The following SNX29 variants were observed in gnomAD, a reference collection of about 807,000 sequenced individuals.
The protein encoded by SNX29 is sorting nexin 29.
A neutral mutation model predicts 102.1 loss-of-function variants in SNX29; 78 were observed. That is an observed-to-expected ratio of 0.76 (90% CI 0.64 to 0.92). SNX29 has a LOEUF of 0.92. Ranked by LOEUF, SNX29 falls within the 40% of genes least tolerant of loss-of-function variation. SNX29 has a pLI of 0.00. For missense variants in SNX29, 1,280 were observed against 1,061.7 expected (o/e 1.21, Z -2.86); for synonymous variants, 580 against 414.5 (o/e 1.40, Z -4.85).
intron 14 of SNX29, among the ~76,000 whole-genome samples, chr16:12,239,110 G>A (rs568987027): frequency 1.0e-3 from 157 of 152,342 alleles, no homozygotes; most frequent in African/African-American, 3.7e-3. Flanking sequence ...CGTGTGAAGT[G>A]TAGTCTTTTA....
intron 19 of SNX29, among the ~76,000 whole-genome samples, chr16:12,519,483 T>C (rs1273476093): frequency 6.6e-6 from 1 of 152,184 alleles, no homozygotes; most frequent in East Asian, 1.9e-4. Flanking sequence ...TTGTTACAGG[T>C]GATTATGCCA....
chr16:12,176,753 TTG>T (rs2076269643), intron 13 of SNX29, among the ~76,000 whole-genome samples: 1 of 152,086 alleles, frequency 6.6e-6, no homozygotes, highest in Admixed American at 6.6e-5. Flanking sequence ...TGTCTGTGTG[TTG>T]TTTTAGTGTG....
chr16:12,005,379 G>A (rs376254355), intron 3 of SNX29, among the ~76,000 whole-genome samples: 1 of 150,192 alleles, frequency 6.7e-6, no homozygotes, highest in Non-Finnish European at 1.5e-5. Flanking sequence ...ATGTGCATGA[G>A]TGTGTGTGTG....
chr16:12,406,564 CTG>C (rs2084174803), intron 18 of SNX29, among the ~76,000 whole-genome samples: 1 of 152,156 alleles, frequency 6.6e-6, no homozygotes, highest in African/African-American at 2.4e-5. Context: ...GCTGCGCTGT[CTG>C]TACCAGAGCT....
Position 12,432,068 on chromosome 16 carries a change from G to A in SNX29, c.2037+28539G>A, listed in dbSNP as rs968851638. On this transcript the variant is annotated intron_variant, in intron 18 of 20. Transcript: ENST00000566228. ...TTACTTTTATTCAGCAATGAGTGCT[G>A]GGAAGGAAATAAGACCTGGTGATGG... 6.6e-5 allele frequency among the ~76,000 whole-genome samples: 10 copies of A among 152,308 alleles called. No homozygotes were observed. In the South Asian group the frequency reaches 1.2e-3, roughly 19 times the overall value.
intron 18 of SNX29, among the ~76,000 whole-genome samples, chr16:12,460,798 C>T (rs1046282564): frequency 1.3e-5 from 2 of 151,944 alleles, no homozygotes; most frequent in Non-Finnish European, 2.9e-5. Context: ...GCTGGGACTA[C>T]TCAGGGTGCA....
At chr16:12,272,080 T>C (rs927094292) in intron 14 of SNX29, among the ~76,000 whole-genome samples, 1 of 152,224 alleles carries the variant, frequency 6.6e-6, no homozygotes, top group South Asian at 2.1e-4. Context: ...GAAGGTTGAC[T>C]GGCTAGTTGC....
At chr16:12,060,875 G>A (rs1486387381) in intron 8 of SNX29, 1 of 456,112 alleles carries the variant, frequency 2.2e-6, no homozygotes, top group East Asian at 6.9e-5. Context: ...TATGAGCATG[G>A]TTAATAATTG....
chr16:12,115,497 G>A (rs1188056366), intron 11 of SNX29, among the ~76,000 whole-genome samples: 1 of 151,094 alleles, frequency 6.6e-6, no homozygotes, highest in Non-Finnish European at 1.5e-5. Context: ...GTGTGTGTGT[G>A]TGTGTGTGTG....
chr16:12,232,383 T>G (rs1461217954), intron 14 of SNX29, among the ~76,000 whole-genome samples: 1 of 152,140 alleles, frequency 6.6e-6, no homozygotes, highest in Non-Finnish European at 1.5e-5. Context: ...AAAAATTAGC[T>G]GGACATAGTG....
chr16:12,385,013 A>G (rs544963436), intron 16 of SNX29, among the ~76,000 whole-genome samples: 2 of 152,326 alleles, frequency 1.3e-5, no homozygotes, highest in Admixed American at 1.3e-4. Flanking sequence ...TCCACTAAAA[A>G]TACAAAAGTA....
chr16:12,037,388 G>A (rs931951045), intron 4 of SNX29, among the ~76,000 whole-genome samples: 2 of 152,184 alleles, frequency 1.3e-5, no homozygotes, highest in African/African-American at 4.8e-5. Flanking sequence ...AAGAGACCCT[G>A]TGGTCCAGGG....
At chr16:12,332,776 C>T (rs956353103) in intron 15 of SNX29, among the ~76,000 whole-genome samples, 5 of 152,122 alleles carry the variant, frequency 3.3e-5, no homozygotes, top group African/African-American at 9.7e-5. Context: ...TTCTTCTGGC[C>T]TCTGGTCTCC....
Position 12,338,357 on chromosome 16 carries a change from TAAGG to T in SNX29, c.1783-17802_1783-17799del, listed in dbSNP as rs146546440. Among the ~76,000 whole-genome samples, 332 of 152,188 alleles carry T rather than the reference TAAGG, an allele frequency of 2.2e-3. 1 individual carries two copies. Among genetic ancestry groups the T allele is most frequent in the Non-Finnish European group, 3.6e-3 (242 of 67,988 alleles). On this transcript the variant is annotated intron_variant, in intron 15 of 20. Transcript: ENST00000566228. ...GGATGTTCAGAACCCTGGGGGTAAATAAGGAAGCTCATCGGGGATCAGACCAGCA... is the reference window on the plus strand; with the variant it reads ...GGATGTTCAGAACCCTGGGGGTAAATAAGCTCATCGGGGATCAGACCAGCA...
chr16:12,524,959 A>C lies in SNX29; in HGVS notation c.2318+118A>C, dbSNP rs2076738681. 4.9e-6 allele frequency: 7 copies of C among 1,424,976 alleles called. No homozygotes were observed. In the African/African-American group the frequency reaches 8.6e-5, roughly 17 times the overall value. The allele number at this position is 1,424,976 out of a possible 1,614,324, so 88.3% of individuals were successfully genotyped here. A position where few individuals can be genotyped will look rare whatever the true frequency, so the allele number is the denominator to read the frequency against. On this transcript the variant is annotated intron_variant, in intron 20 of 20. Transcript: ENST00000566228. ...TGATGCCCTGATCGCCATGGGACCCAGGCGAACTCCAGGGGCTGTTCCAGG... is the reference window on the plus strand; with the variant it reads ...TGATGCCCTGATCGCCATGGGACCCCGGCGAACTCCAGGGGCTGTTCCAGG...
chr16:12,017,552 T>G (rs546609136), intron 3 of SNX29, among the ~76,000 whole-genome samples: 1 of 152,258 alleles, frequency 6.6e-6, no homozygotes, highest in South Asian at 2.1e-4. Context: ...ACAAATTTTA[T>G]GTAATTAATT....
chr16:12,077,844 C>T (rs60129064), intron 10 of SNX29, among the ~76,000 whole-genome samples: 1 of 152,064 alleles, frequency 6.6e-6, no homozygotes, highest in Non-Finnish European at 1.5e-5. Flanking sequence ...TGGTCTCGAA[C>T]TCCTGACCTC....
At chr16:12,544,428 T>C (rs1183051260) in intron 20 of SNX29, among the ~76,000 whole-genome samples, 1 of 152,184 alleles carries the variant, frequency 6.6e-6, no homozygotes, top group Non-Finnish European at 1.5e-5. Context: ...TGGTGGGATT[T>C]GGACGTTTCT....
At chr16:12,302,356 T>A (rs1301821116) in intron 15 of SNX29, among the ~76,000 whole-genome samples, 1 of 152,264 alleles carries the variant, frequency 6.6e-6, no homozygotes, top group Admixed American at 6.5e-5. Flanking sequence ...TTTCTGTTTA[T>A]CATTATTGAT....
Sources: gnomAD v4.1 joint callset for allele counts (sites outside exome capture counted in the v4.1 genomes callset) on GRCh38, gnomAD v4.1.1 for gene constraint, MANE v1.5 for transcripts, NCBI Gene and HGNC (gene_info 2026-07-23, HGNC 2026-07-21) for gene names.